The following PTPRB variants were observed in gnomAD, a reference collection of about 807,000 sequenced individuals.
PTPRB encodes the protein protein tyrosine phosphatase receptor type B, also known as receptor-type tyrosine-protein phosphatase beta.
Under a neutral mutation model 238.1 loss-of-function variants are expected in PTPRB, and 97 were observed. The observed-to-expected ratio is 0.41, with a 90% confidence interval of 0.35 to 0.48. The LOEUF is 0.48. Ranked by LOEUF, PTPRB falls within the 20% of genes least tolerant of loss-of-function variation. The pLI, the probability that PTPRB is intolerant of heterozygous loss-of-function variation, is 0.30. For missense variants in PTPRB, 2,292 were observed against 2,681.9 expected, an observed-to-expected ratio of 0.85 and a Z score of 3.21; for synonymous variants, 970 against 995.4, an observed-to-expected ratio of 0.97 and a Z score of 0.48.
At chr12:70,577,704 G>A (rs149770020) in intron 10 of PTPRB, among the ~76,000 whole-genome samples, 46 of 152,128 alleles carry the variant, frequency 3.0e-4, no homozygotes, top group Admixed American at 1.6e-3. Context: ...TAATATGTTC[G>A]GACTTTGTGA....
Position 70,594,618 on chromosome 12 carries a change from C to T in PTPRB, c.1365G>A (p.Met455Ile), listed in dbSNP as rs1429397861. The change falls in exon 6 of 34, where the codon ATG becomes ATA. Residue 455 changes from methionine to isoleucine, a missense_variant. By Grantham distance (10) the Met-to-Ile change is conservative. Coordinates refer to ENST00000334414, the MANE Select transcript of PTPRB (RefSeq NM_001109754.4). ...GNVERYRLML[M>I]DKGILVHGGV... ...CGCCATGAACTAGGATCCCTTTATC[C>T]ATTAGCATCAGCCGGTATCGTTCCA... 6.2e-7 allele frequency: 1 copy of T among 1,613,970 alleles called. No individual in the cohort carries two copies. Among genetic ancestry groups the T allele is most frequent in the Non-Finnish European group, 8.5e-7 (1 of 1,179,886 alleles).
At chr12:70,567,429 T>C (rs1403448475) in intron 14 of PTPRB, among the ~76,000 whole-genome samples, 1 of 152,196 alleles carries the variant, frequency 6.6e-6, no homozygotes, top group Non-Finnish European at 1.5e-5. Context: ...CCTCCCCCAA[T>C]ATTCTCATTG....
chr12:70,594,216 GAGA>G (rs1393423937), intron 6 of PTPRB, among the ~76,000 whole-genome samples: 1 of 152,144 alleles, frequency 6.6e-6, no homozygotes, highest in East Asian at 1.9e-4. Flanking sequence ...GTATTAAAAA[GAGA>G]AGAAGAGAAG....
intron 5 of PTPRB, among the ~76,000 whole-genome samples, chr12:70,595,428 T>A (rs1011548774): frequency 1.3e-4 from 20 of 151,872 alleles, no homozygotes; most frequent in Admixed American, 3.9e-4. Context: ...TGCACATGTA[T>A]CCCAGAACTT....
rs752465497 is a variant in PTPRB at position 70,635,911 on chromosome 12, T to C, written c.211A>G (p.Ile71Val). Residue 71 changes from isoleucine to valine, a missense_variant, in exon 2 of 34, where the codon ATC (isoleucine) becomes GTC (valine). Physicochemically the swap from Ile to Val is conservative, Grantham distance 29. Transcript: ENST00000334414. Reference sequence around the variant, plus strand: ...GAGGGGCCGCGGGAAGAGTTGGAGATGGCCAAGCACAGTGCAGATTTAACA... The same window carrying C: ...GAGGGGCCGCGGGAAGAGTTGGAGACGGCCAAGCACAGTGCAGATTTAACA... ...LHVKSALCLA[I>V]SNSSRGPSRS... 8.1e-6 allele frequency: 13 copies of C among 1,613,710 alleles called. No individual in the cohort carries two copies. Among genetic ancestry groups the C allele is most frequent in the Admixed American group, 1.7e-5 (1 of 59,946 alleles).
At chr12:70,558,368 A>T (rs890064208) in intron 18 of PTPRB, among the ~76,000 whole-genome samples, 12 of 152,196 alleles carry the variant, frequency 7.9e-5, no homozygotes, top group Non-Finnish European at 1.5e-4. Flanking sequence ...TATAGTATTA[A>T]TGCTTATTAA....
At chr12:70,568,653 A>T (rs928035871) in intron 14 of PTPRB, among the ~76,000 whole-genome samples, 1 of 152,168 alleles carries the variant, frequency 6.6e-6, no homozygotes, top group African/African-American at 2.4e-5. Flanking sequence ...GCAGATATAG[A>T]TATAAATATA....
chr12:70,535,266 G>T lies in PTPRB; in HGVS notation c.6082-311C>A, dbSNP rs184237551. 7.7e-5 allele frequency among the ~76,000 whole-genome samples: 9 copies of T among 117,134 alleles called. No individual in the cohort carries two copies. In the East Asian group the frequency reaches 2.1e-3, roughly 28 times the overall value. 76.8% of individuals were successfully genotyped at this position (117,134 alleles called of 152,430 possible). On this transcript the variant is annotated intron_variant, in intron 29 of 33. Coordinates refer to ENST00000334414, the MANE Select transcript of PTPRB (RefSeq NM_001109754.4). ...TTTTTTTTTTCCCCTCAGCATTTCAGTTCCACTAGCAGGTAAACTGTGGTT... is the reference window on the plus strand; with the variant it reads ...TTTTTTTTTTCCCCTCAGCATTTCATTTCCACTAGCAGGTAAACTGTGGTT...
chr12:70,609,363 G>GT, intron 3 of PTPRB, 24 bp from the exon 4 acceptor site: 3 of 1,609,218 alleles, frequency 1.9e-6, no homozygotes, highest in South Asian at 1.1e-5. Context: ...AGACACAACA[G>GT]TTTAAGTCCA....
At chr12:70,609,952 G>T in intron 3 of PTPRB, 1 of 647,218 alleles carries the variant, frequency 1.5e-6, no homozygotes, top group East Asian at 3.8e-5. Flanking sequence ...GGCTGGCGAC[G>T]CGCAGGGGCC....
chr12:70,621,639 A>T (rs906104725), intron 3 of PTPRB, among the ~76,000 whole-genome samples: 2 of 152,246 alleles, frequency 1.3e-5, no homozygotes, highest in African/African-American at 4.8e-5. Flanking sequence ...TGCAAAAGAT[A>T]CCAGAATGCT....
chr12:70,587,610 T>C (rs1024889316), intron 8 of PTPRB, among the ~76,000 whole-genome samples: 5 of 152,272 alleles, frequency 3.3e-5, no homozygotes, highest in Non-Finnish European at 7.4e-5. Context: ...TTTAAGTATT[T>C]AGGTGGAGTT....
At chr12:70,627,330 T>G (rs141871082) in intron 2 of PTPRB, among the ~76,000 whole-genome samples, 2 of 152,252 alleles carry the variant, frequency 1.3e-5, no homozygotes, top group African/African-American at 4.8e-5. Context: ...GTGAATAACT[T>G]GGCGTGCGCA....
chr12:70,561,618 T>C (rs1264259035), intron 16 of PTPRB, among the ~76,000 whole-genome samples: 1 of 152,222 alleles, frequency 6.6e-6, no homozygotes, highest in Admixed American at 6.5e-5. Flanking sequence ...TTGAAGCTTA[T>C]CGCTGCTCTT....
At position 70,590,091 on chromosome 12, in the gene PTPRB, A is replaced by G; in HGVS notation, c.1923T>C (p.Thr641=). The change falls in exon 8 of 34, where the codon ACT becomes ACC. Residue 641 remains threonine, a synonymous_variant. Coordinates refer to ENST00000334414, the MANE Select transcript of PTPRB (RefSeq NM_001109754.4). ...CATACTGTGTTTCTTCCTTTCCCACAGTGATGTTGAGCAGCACCACAGAAT... is the reference window on the plus strand; with the variant it reads ...CATACTGTGTTTCTTCCTTTCCCACGGTGATGTTGAGCAGCACCACAGAAT... ...FNDSVVLLNI[T]VGKEETQYVM... 1.2e-6 allele frequency: 2 copies of G among 1,613,952 alleles called. No homozygotes were observed. The highest frequency in any genetic ancestry group is 1.7e-6 in the Non-Finnish European group (2 of 1,179,876).
chr12:70,597,965 G>A (rs1883175121), intron 4 of PTPRB, among the ~76,000 whole-genome samples: 1 of 152,120 alleles, frequency 6.6e-6, no homozygotes, highest in Non-Finnish European at 1.5e-5. Flanking sequence ...AATTATATAT[G>A]CCACATTTAT....
intron 2 of PTPRB, among the ~76,000 whole-genome samples, chr12:70,632,379 G>A (rs985429715): frequency 6.6e-5 from 10 of 151,874 alleles, no homozygotes; most frequent in Admixed American, 2.0e-4. Context: ...ATTGAACAAC[G>A]AGAACACTTG....
chr12:70,586,433 C>T (rs1038923997), intron 9 of PTPRB, among the ~76,000 whole-genome samples: 4 of 152,140 alleles, frequency 2.6e-5, no homozygotes, highest in Non-Finnish European at 4.4e-5. Context: ...TTATAAATTA[C>T]CCAGTCTTGG....
intron 14 of PTPRB, 113 bp downstream of exon 14, chr12:70,569,562 A>G: frequency 7.7e-7 from 1 of 1,304,520 alleles, no homozygotes; most frequent in South Asian, 1.3e-5. Context: ...TGAATTGTAC[A>G]AACTTTGGTG....
Sources: allele counts gnomAD v4.1 joint callset (sites outside exome capture counted in the v4.1 genomes callset), GRCh38; gene constraint gnomAD v4.1.1; transcripts MANE v1.5; gene names NCBI Gene and HGNC (gene_info 2026-07-23, HGNC 2026-07-21).